Variants in RBMS2 observed in about 807,000 individuals in gnomAD.
RBMS2 encodes RNA binding motif single stranded interacting protein 2, also known as RNA-binding motif, single-stranded-interacting protein 2.
In RBMS2, 38 loss-of-function variants were observed where a neutral mutation model predicts 58.4. The observed-to-expected ratio is 0.65, with a 90% CI of 0.50 to 0.85. The LOEUF (loss-of-function observed/expected upper bound fraction) is 0.85. Among genes scored for constraint, RBMS2 ranks in the 40% least tolerant of loss-of-function variants. The pLI is 0.00. For synonymous variants in RBMS2, 151 were observed against 180.7 expected (o/e 0.84, Z 1.32); for missense variants, 367 against 503.7 (o/e 0.73, Z 2.60).
chr12:56,575,890 A>G (rs1452199578), intron 5 of RBMS2, among the ~76,000 whole-genome samples: 1 of 150,262 alleles, frequency 6.7e-6, no homozygotes, highest in African/African-American at 2.5e-5. Flanking sequence ...GCAAAACTCC[A>G]TCTCAAAGAA....
intron 1 of RBMS2, among the ~76,000 whole-genome samples, chr12:56,548,450 G>GAACA (rs911800029): frequency 2.0e-5 from 3 of 152,034 alleles, no homozygotes; most frequent in East Asian, 1.9e-4. Flanking sequence ...CTGTCTCAAA[G>GAACA]AACAAACAAA....
chr12:56,544,821 T>C (rs1876859656), intron 1 of RBMS2, among the ~76,000 whole-genome samples: 2 of 146,958 alleles, frequency 1.4e-5, no homozygotes, highest in African/African-American at 5.0e-5. Context: ...CTTGAACTCC[T>C]GGGCTCAAGC....
At chr12:56,584,815 T>C (rs965301029) in intron 9 of RBMS2, among the ~76,000 whole-genome samples, 14 of 150,846 alleles carry the variant, frequency 9.3e-5, no homozygotes, top group Admixed American at 2.0e-4. Flanking sequence ...ACTTTTGAAC[T>C]TCTTGTCTTT....
chr12:56,572,995 C>G (rs1882542447), intron 5 of RBMS2: 2 of 977,012 alleles, frequency 2.0e-6, no homozygotes, highest in African/African-American at 1.8e-5. Flanking sequence ...CCTTAGCCCA[C>G]TTAAGAAATG....
chr12:56,581,974 A>G (rs1884017997), intron 8 of RBMS2, 85 bp from the exon 9 acceptor site: 1 of 1,578,936 alleles, frequency 6.3e-7, no homozygotes, highest in Non-Finnish European at 8.7e-7. Flanking sequence ...TTGAAAGTCA[A>G]GGGAACGTTG....
In RBMS2 at chr12:56,557,187, C is replaced by T. The variant is rs112202490; in HGVS notation, c.67-5230C>T. Among the ~76,000 whole-genome samples, 474 of 152,198 alleles carry T rather than the reference C, an allele frequency of 3.1e-3. 1 individual carries two copies. The highest frequency in any genetic ancestry group is 4.9e-3 in the African/African-American group (203 of 41,556). ...AGCTTCTTTTTATTCTTCCCTTCTC[C>T]GGTAAGAATATGTCAGTTCCCTGGG... On this transcript the variant is annotated intron_variant, in intron 1 of 13. Coordinates refer to ENST00000262031, the MANE Select transcript of RBMS2 (RefSeq NM_002898.4).
intron 1 of RBMS2, among the ~76,000 whole-genome samples, chr12:56,561,770 CTT>C (rs1565757021): frequency 3.0e-4 from 39 of 129,832 alleles, no homozygotes; most frequent in African/African-American, 1.2e-3. Flanking sequence ...CCCCCCCCTC[CTT>C]GGCCTCCCAA....
chr12:56,563,624 A>T (rs757508881), intron 2 of RBMS2, among the ~76,000 whole-genome samples: 1 of 152,114 alleles, frequency 6.6e-6, no homozygotes, highest in Non-Finnish European at 1.5e-5. Context: ...AATAAAAAAT[A>T]AAGTCTGGTG....
At chr12:56,534,721 A>G (rs1192301161) in intron 1 of RBMS2, among the ~76,000 whole-genome samples, 3 of 152,124 alleles carry the variant, frequency 2.0e-5, no homozygotes, top group African/African-American at 7.2e-5. Flanking sequence ...GGCTCACTGC[A>G]ACCTCCGCCT....
At chr12:56,581,114 T>C (rs1339059961) in intron 5 of RBMS2, 70 bp from the exon 6 acceptor site, 9 of 1,309,962 alleles carry the variant, frequency 6.9e-6, no homozygotes, top group Non-Finnish European at 8.8e-6. Context: ...AGAGCTTTGC[T>C]TTCTCTTTCA....
chr12:56,576,173 A>C (rs938843153), intron 5 of RBMS2, among the ~76,000 whole-genome samples: 3 of 152,018 alleles, frequency 2.0e-5, no homozygotes, highest in Non-Finnish European at 4.4e-5. Flanking sequence ...CCCCATCTCC[A>C]TTAAAAATAC....
In RBMS2 at chr12:56,596,157, A is replaced by AT. The variant is rs1251005015; in HGVS notation, c.*7025dup. 3.3e-5 allele frequency: 5 copies of AT among 152,832 alleles called. No individual in the cohort carries two copies. Among genetic ancestry groups the AT allele is most frequent in the African/African-American group, 9.6e-5 (4 of 41,592 alleles). The allele number at this position is 152,832 out of a possible 1,614,324, so 9.5% of individuals were successfully genotyped here. A position where few individuals can be genotyped will look rare whatever the true frequency, so the allele number is the denominator to read the frequency against. ...TCACTAAAACACCACATTTGGTTATATAAAAAGTCCCTTTTGCTGTAAAAG... is the reference window on the plus strand; with the variant it reads ...TCACTAAAACACCACATTTGGTTATATTAAAAAGTCCCTTTTGCTGTAAAAG... On this transcript the variant is annotated 3_prime_UTR_variant, in exon 14 of 14. Coordinates refer to ENST00000262031, the MANE Select transcript of RBMS2 (RefSeq NM_002898.4).
chr12:56,589,014 A>G lies in RBMS2; in HGVS notation c.*2A>G, dbSNP rs1374060575. 1 of 1,614,108 alleles carries G rather than the reference A, an allele frequency of 6.2e-7. No individual in the cohort carries two copies. Among genetic ancestry groups the G allele is most frequent in the African/African-American group, 1.3e-5 (1 of 74,938 alleles). On this transcript the variant is annotated 3_prime_UTR_variant, in exon 13 of 14. Transcript: ENST00000262031. Reference sequence around the variant, plus strand: ...TATTCTTTCCAGTTCAACAAGTAACAGTGGGTAAGAACCACATGCTGGGGG... The same window carrying G: ...TATTCTTTCCAGTTCAACAAGTAACGGTGGGTAAGAACCACATGCTGGGGG...
intron 5 of RBMS2, among the ~76,000 whole-genome samples, 188 bp downstream of exon 5, chr12:56,572,043 C>A (rs1403004240): frequency 2.0e-5 from 3 of 152,094 alleles, no homozygotes; most frequent in Admixed American, 2.0e-4. Context: ...AATCCCAGCA[C>A]TTTAGGAGGC....
chr12:56,571,405 T>TG (rs1423103459), intron 4 of RBMS2, among the ~76,000 whole-genome samples: 1 of 152,108 alleles, frequency 6.6e-6, no homozygotes, highest in Non-Finnish European at 1.5e-5. Context: ...GACCGGCTGC[T>TG]GGGGGAGAGC....
At position 56,574,839 on chromosome 12, in the gene RBMS2, A is replaced by G. The variant is rs116108218; in HGVS notation, c.542+2984A>G. Among the ~76,000 whole-genome samples, 277 of 152,192 alleles carry G rather than the reference A, an allele frequency of 1.8e-3. 1 individual carries two copies. Among genetic ancestry groups the G allele is most frequent in the African/African-American group, 6.5e-3 (268 of 41,524 alleles). ...AATATCATAGCAATCTGATACACAAATCATTCATTTAAAAAATACCTGACT... is the reference window on the plus strand; with the variant it reads ...AATATCATAGCAATCTGATACACAAGTCATTCATTTAAAAAATACCTGACT... On this transcript the variant is annotated intron_variant, in intron 5 of 13. Coordinates refer to ENST00000262031, the MANE Select transcript of RBMS2 (RefSeq NM_002898.4).
intron 1 of RBMS2, among the ~76,000 whole-genome samples, chr12:56,526,177 C>G (rs1389180208): frequency 2.6e-5 from 4 of 151,678 alleles, no homozygotes; most frequent in African/African-American, 9.7e-5. Flanking sequence ...TATGGTGGTG[C>G]ACGCCTGTAG....
intron 2 of RBMS2, 38 bp from the exon 3 acceptor site, chr12:56,568,937 C>T: frequency 1.3e-6 from 2 of 1,519,508 alleles, no homozygotes; most frequent in Non-Finnish European, 1.8e-6. Flanking sequence ...TTAGTCTCTG[C>T]CCCCCAGATT....
chr12:56,577,414 AAAT>A (rs558677561), intron 5 of RBMS2, among the ~76,000 whole-genome samples: 1 of 151,016 alleles, frequency 6.6e-6, no homozygotes, highest in Non-Finnish European at 1.5e-5. Flanking sequence ...TCCATCTCAA[AAAT>A]AATAATAATA....
Sources: allele counts gnomAD v4.1 joint callset (sites outside exome capture counted in the v4.1 genomes callset), GRCh38; gene constraint gnomAD v4.1.1; transcripts MANE v1.5; gene names NCBI Gene and HGNC (gene_info 2026-07-23, HGNC 2026-07-21).